The following SORCS2 variants were observed in gnomAD, a reference collection of about 807,000 sequenced individuals.
The protein encoded by SORCS2 is sortilin related VPS10 domain containing receptor 2.
In SORCS2, 100 loss-of-function variants were observed where a neutral mutation model predicts 141.6. That is an observed-to-expected ratio of 0.71 (90% CI 0.60 to 0.83). SORCS2 has a LOEUF of 0.83. SORCS2 is among the 40% of genes least tolerant of loss of function. SORCS2 has a pLI of 0.00. For missense variants in SORCS2, 1,646 were observed against 1,560.2 expected (o/e 1.05, Z -0.93); for synonymous variants, 789 against 676.9 (o/e 1.17, Z -2.57).
intron 2 of SORCS2, among the ~76,000 whole-genome samples, chr4:7,468,560 A>G (rs976090315): frequency 1.3e-5 from 2 of 152,216 alleles, no homozygotes; most frequent in African/African-American, 2.4e-5. Context: ...GGGCACTTGG[A>G]AAGGTTTGTT....
chr4:7,349,231 A>G (rs988429649), intron 1 of SORCS2, among the ~76,000 whole-genome samples: 3 of 152,038 alleles, frequency 2.0e-5, no homozygotes, highest in African/African-American at 7.2e-5. Context: ...TCTCATTGCA[A>G]CACTCATGCC....
At chr4:7,463,347 A>C (rs1323556677) in intron 2 of SORCS2, among the ~76,000 whole-genome samples, 2 of 152,136 alleles carry the variant, frequency 1.3e-5, no homozygotes, top group Non-Finnish European at 2.9e-5. Flanking sequence ...GACCTTGGGG[A>C]TAGGAAGGGA....
At chr4:7,388,028 A>ACGCACACATGCACACACACATG (rs1723574158) in intron 1 of SORCS2, among the ~76,000 whole-genome samples, 1 of 150,770 alleles carries the variant, frequency 6.6e-6, no homozygotes, top group Non-Finnish European at 1.5e-5. Flanking sequence ...ATACACAGAT[A>ACGCACACATGCACACACACATG]CGCACACATG....
chr4:7,511,915 C>T (rs1732678621), intron 2 of SORCS2, among the ~76,000 whole-genome samples: 1 of 152,156 alleles, frequency 6.6e-6, no homozygotes, highest in Non-Finnish European at 1.5e-5. Flanking sequence ...ACCCAGGGCC[C>T]AAATCCCACC....
intron 11 of SORCS2, among the ~76,000 whole-genome samples, chr4:7,696,589 G>A (rs2057723): frequency 0.7 from 106,089 of 152,096 alleles, 37,431 homozygotes; most frequent in East Asian, 0.92. Context: ...CTCCGAGTAG[G>A]CATCAAGGCT....
chr4:7,703,396 G>T (rs564617270), intron 13 of SORCS2, 25 bp downstream of exon 13: 1 of 1,587,216 alleles, frequency 6.3e-7, no homozygotes, highest in Non-Finnish European at 8.6e-7. Flanking sequence ...TAGCCCCGGG[G>T]CAGGGAGGGC....
rs114721236 is a variant in SORCS2, at chr4:7,416,464, C to T, written c.548+20109C>T. ...CCCACTCCCACTGATGCCCTGTGTA[C>T]GGTGCATACACACACTCATGCACGC... On this transcript the variant is annotated intron_variant, in intron 2 of 26. Coordinates refer to ENST00000507866, the MANE Select transcript of SORCS2 (RefSeq NM_020777.3). Among the ~76,000 whole-genome samples the T allele has an allele frequency of 4.9e-3, 748 of 152,278 alleles. 7 individuals carry two copies. Among genetic ancestry groups the T allele is most frequent in the African/African-American group, 0.017 (712 of 41,546 alleles).
At chr4:7,618,958 C>T (rs1718954238) in intron 3 of SORCS2, among the ~76,000 whole-genome samples, 1 of 152,138 alleles carries the variant, frequency 6.6e-6, no homozygotes, top group Admixed American at 6.5e-5. Context: ...TGCTGGCACC[C>T]ATAGGTCCTC....
At chr4:7,658,295 GTGGGTGAGTGAGTGAGTCTGTGAC>G (rs1324820347) in intron 5 of SORCS2, among the ~76,000 whole-genome samples, 1 of 150,210 alleles carries the variant, frequency 6.7e-6, no homozygotes, top group Non-Finnish European at 1.5e-5. Context: ...GAATGAGTGA[GTGGGTGAGTGAGTGAGTCTGTGAC>G]TGGGTGAGTG....
chr4:7,260,837 C>T (rs1210014558), intron 1 of SORCS2, among the ~76,000 whole-genome samples: 1 of 152,218 alleles, frequency 6.6e-6, no homozygotes, highest in Admixed American at 6.5e-5. Context: ...TGACCCTCTT[C>T]CTCCTGCTGC....
At chr4:7,373,480 T>TATATATATATAA (rs57386577) in intron 1 of SORCS2, among the ~76,000 whole-genome samples, 1 of 12,320 alleles carries the variant, frequency 8.1e-5, no homozygotes, top group African/African-American at 2.2e-4. Flanking sequence ...ATATATATAT[T>TATATATATATAA]TTTTTTTTTT....
chr4:7,438,936 C>T (rs1277675299), intron 2 of SORCS2, among the ~76,000 whole-genome samples: 3 of 152,094 alleles, frequency 2.0e-5, no homozygotes, highest in African/African-American at 7.2e-5. Flanking sequence ...GTGGGAGTCC[C>T]CTCAGGCATC....
intron 1 of SORCS2, among the ~76,000 whole-genome samples, chr4:7,327,803 G>GC (rs528313573): frequency 0.012 from 1,875 of 150,458 alleles, 32 homozygotes; most frequent in African/African-American, 0.042. Context: ...TTGTGTGACC[G>GC]CCCCCCCCAA....
chr4:7,595,879 C>T (rs1206988465), intron 3 of SORCS2, among the ~76,000 whole-genome samples: 1 of 152,182 alleles, frequency 6.6e-6, no homozygotes, highest in African/African-American at 2.4e-5. Flanking sequence ...ACAAGCCCGA[C>T]GCGGACTCTG....
intron 1 of SORCS2, among the ~76,000 whole-genome samples, chr4:7,365,630 G>GC (rs1367141805): frequency 3.3e-5 from 5 of 152,160 alleles, no homozygotes; most frequent in African/African-American, 1.2e-4. Flanking sequence ...AAGAGACACC[G>GC]CCCGCCTGCC....
chr4:7,308,853 G>A (rs1432436072), intron 1 of SORCS2, among the ~76,000 whole-genome samples: 10 of 152,030 alleles, frequency 6.6e-5, no homozygotes, highest in African/African-American at 2.4e-4. Context: ...GCCTCCCCAG[G>A]ATAAAGCCAC....
chr4:7,692,447 G>C (rs1373323088), intron 11 of SORCS2, among the ~76,000 whole-genome samples: 1 of 152,222 alleles, frequency 6.6e-6, no homozygotes, highest in Non-Finnish European at 1.5e-5. Flanking sequence ...CAAAATGAGA[G>C]GATAAAACCT....
chr4:7,216,019 A>G (rs2108752827), intron 1 of SORCS2, among the ~76,000 whole-genome samples: 1 of 152,176 alleles, frequency 6.6e-6, no homozygotes, highest in African/African-American at 2.4e-5. Context: ...GCTCTTTGCA[A>G]TAAATCTTGC....
chr4:7,500,869 G>T (rs1731927689), intron 2 of SORCS2, among the ~76,000 whole-genome samples: 2 of 152,186 alleles, frequency 1.3e-5, no homozygotes, highest in Non-Finnish European at 1.5e-5. Context: ...CCAGCCTGCG[G>T]GCAGCCCCCG....
Sources: allele counts gnomAD v4.1 joint callset (sites outside exome capture counted in the v4.1 genomes callset), GRCh38; gene constraint gnomAD v4.1.1; transcripts MANE v1.5; gene names NCBI Gene and HGNC (gene_info 2026-07-23, HGNC 2026-07-21).